VPS35L: variants seen among roughly 807,000 people sequenced by gnomAD.
VPS35L encodes the protein VPS35 endosomal protein-sorting factor-like.
VPS35L carries 83 observed loss-of-function variants against 133.0 expected under a neutral mutation model. The observed-to-expected ratio is 0.62, with a 90% CI of 0.52 to 0.75. The LOEUF is 0.75. Among genes scored for constraint, VPS35L ranks in the 30% least tolerant of loss-of-function variants. The pLI is 0.00. For synonymous variants in VPS35L, 423 were observed against 449.9 expected (o/e 0.94, Z 0.76); for missense variants, 1,083 against 1,206.8 (o/e 0.90, Z 1.52).
At chr16:19,625,048 A>C (rs1973217379) in intron 14 of VPS35L, among the ~76,000 whole-genome samples, 1 of 151,520 alleles carries the variant, frequency 6.6e-6, no homozygotes, top group Non-Finnish European at 1.5e-5. Context: ...GATAGCTCCA[A>C]AGCCATTAAC....
At position 19,699,118 on chromosome 16, in the gene VPS35L, C is replaced by T. The variant is rs1445827384; in HGVS notation, c.2647-384C>T. ...TGCAGCTTTGGGTAGTTTGAGGACA[C>T]ATCTGAAAGAGGTGAGCTGAAGCCT... On this transcript the variant is annotated intron_variant, in intron 29 of 30. Transcript: ENST00000417362. This position sits in a 1 kb window ranked among gnomAD's most constrained non-coding sequence, Gnocchi z 4.2. Among the ~76,000 whole-genome samples the T allele has an allele frequency of 6.6e-6, 1 of 152,186 alleles. No individual in the cohort carries two copies. The highest frequency in any genetic ancestry group is 6.5e-5 in the Admixed American group (1 of 15,272).
chr16:19,620,808 G>A (rs1429667300), intron 14 of VPS35L, among the ~76,000 whole-genome samples: 3 of 151,956 alleles, frequency 2.0e-5, no homozygotes, highest in Non-Finnish European at 2.9e-5. Context: ...AAAATTAGCC[G>A]AGTGTGGTGG....
At chr16:19,574,456 G>A (rs1301869971) in intron 4 of VPS35L, among the ~76,000 whole-genome samples, 1 of 152,150 alleles carries the variant, frequency 6.6e-6, no homozygotes, top group Non-Finnish European at 1.5e-5. Context: ...CTACAAATGG[G>A]GCTGTGCCCT....
chr16:19,655,306 T>C (rs1225405362), intron 26 of VPS35L, among the ~76,000 whole-genome samples: 1 of 152,222 alleles, frequency 6.6e-6, no homozygotes, highest in Non-Finnish European at 1.5e-5. Flanking sequence ...AAGCCTATTA[T>C]TTTTCTCCTG....
chr16:19,648,346 C>A (rs191324360), intron 24 of VPS35L, among the ~76,000 whole-genome samples: 2 of 152,308 alleles, frequency 1.3e-5, no homozygotes, highest in African/African-American at 4.8e-5. Context: ...AATAAACTTA[C>A]AACTTTGGTT....
chr16:19,574,268 T>C (rs1249221258), intron 4 of VPS35L, among the ~76,000 whole-genome samples: 1 of 152,064 alleles, frequency 6.6e-6, no homozygotes, highest in African/African-American at 2.4e-5. Flanking sequence ...CTGTGTTGAG[T>C]GTTGCCTCAC....
chr16:19,646,787 TG>T (rs1055981580), intron 23 of VPS35L, among the ~76,000 whole-genome samples: 1 of 152,028 alleles, frequency 6.6e-6, no homozygotes, highest in African/African-American at 2.4e-5. Context: ...TGCCTTTTGA[TG>T]GGGGGTAGTC....
At chr16:19,657,237 G>A (rs796700992) in intron 26 of VPS35L, among the ~76,000 whole-genome samples, 71 of 152,208 alleles carry the variant, frequency 4.7e-4, no homozygotes, top group African/African-American at 1.6e-3. Context: ...AAAGTGCTAG[G>A]ATTACAGGCA....
At chr16:19,648,165 G>T (rs1169441786) in intron 24 of VPS35L, among the ~76,000 whole-genome samples, 1 of 151,986 alleles carries the variant, frequency 6.6e-6, no homozygotes, top group African/African-American at 2.4e-5. Context: ...TGGGGTCTCT[G>T]TGTTGCCCAG....
intron 27 of VPS35L, among the ~76,000 whole-genome samples, chr16:19,674,149 A>ATC (rs1357753974): frequency 7.0e-6 from 1 of 142,918 alleles, no homozygotes; most frequent in Non-Finnish European, 1.5e-5. Flanking sequence ...AGACTCCCAC[A>ATC]TCTCACTTCT....
chr16:19,666,971 TC>T (rs1218510901), intron 26 of VPS35L, among the ~76,000 whole-genome samples: 18,623 of 122,364 alleles, frequency 0.15, 1,764 homozygotes, highest in Non-Finnish European at 0.21. Context: ...TTTCTTCCTT[TC>T]TTCCTTTCTT....
intron 8 of VPS35L, among the ~76,000 whole-genome samples, chr16:19,594,041 C>T: frequency 6.6e-6 from 1 of 152,190 alleles, no homozygotes; most frequent in Non-Finnish European, 1.5e-5. Flanking sequence ...ATGGAAAGAG[C>T]TACTTTCTCC....
Position 19,629,780 on chromosome 16 carries a change from G to C in VPS35L, c.1514G>C (p.Cys505Ser). 6.2e-7 allele frequency: 1 copy of C among 1,613,792 alleles called. No homozygotes were observed. The highest frequency in any genetic ancestry group is 8.5e-7 in the Non-Finnish European group (1 of 1,179,728). ...KLKNPQDYINCAEVWVEYTCK... is the reference protein window; with the variant it reads ...KLKNPQDYINSAEVWVEYTCK... The stretch of plus-strand genomic sequence containing the variant: ...TTCTCTTTGTAGGACTACATTAATT[G>C]TGCCGAAGTGTGGGTGGAATACACC... Residue 505 changes from cysteine to serine, a missense_variant, in exon 18 of 31, where the codon TGT becomes TCT. Transcript: ENST00000417362.
At chr16:19,631,625 C>T (rs1406613453) in intron 18 of VPS35L, among the ~76,000 whole-genome samples, 1 of 152,126 alleles carries the variant, frequency 6.6e-6, no homozygotes, top group Non-Finnish European at 1.5e-5. Flanking sequence ...TCCCCTGACC[C>T]CTGGAATATT....
At chr16:19,578,373 CA>C (rs35605554) in intron 5 of VPS35L, 34,044 of 331,990 alleles carry the variant, frequency 0.1, 1 homozygote, top group South Asian at 0.18. Flanking sequence ...GACCCCATCT[CA>C]AAAAAAAAAA....
intron 5 of VPS35L, chr16:19,578,417 G>A (rs12929106): frequency 0.014 from 5,844 of 413,876 alleles, 61 homozygotes; most frequent in Non-Finnish European, 0.019. Flanking sequence ...AAAGATGGGG[G>A]AAGGATTCTG....
At chr16:19,636,236 T>C (rs757183112) in intron 19 of VPS35L, among the ~76,000 whole-genome samples, 1 of 152,166 alleles carries the variant, frequency 6.6e-6, no homozygotes, top group African/African-American at 2.4e-5. Flanking sequence ...TAGAATTGTT[T>C]ACAAATTCTA....
chr16:19,662,270 A>G (rs893272991), intron 26 of VPS35L, among the ~76,000 whole-genome samples: 4 of 152,080 alleles, frequency 2.6e-5, no homozygotes, highest in Admixed American at 2.6e-4. Flanking sequence ...TTTGGGAGGC[A>G]GAGGCAGGCA....
chr16:19,599,658 G>A (rs1972321985), intron 8 of VPS35L, among the ~76,000 whole-genome samples: 1 of 151,734 alleles, frequency 6.6e-6, no homozygotes, highest in Non-Finnish European at 1.5e-5. Flanking sequence ...GCACCACCAC[G>A]CCTGGCTATA....
Sources: gnomAD v4.1 joint callset for allele counts (sites outside exome capture counted in the v4.1 genomes callset) on GRCh38, gnomAD v4.1.1 for gene constraint, Gnocchi (gnomAD v3.1) non-coding constraint, MANE v1.5 for transcripts, NCBI Gene and HGNC (gene_info 2026-07-23, HGNC 2026-07-21) for gene names.